NEGR1: variants seen among roughly 807,000 people sequenced by gnomAD.
NEGR1 encodes IgLON family member 4.
A neutral mutation model predicts 40.9 loss-of-function variants in NEGR1; 10 were observed. The ratio of observed to expected loss-of-function variants is 0.24; its 90% CI spans 0.15 to 0.42. The LOEUF (loss-of-function observed/expected upper bound fraction) is 0.42, where lower values mean the gene tolerates loss of function less well. Among genes scored for constraint, NEGR1 ranks in the 10% least tolerant of loss-of-function variants. NEGR1 has a pLI of 1.00. For missense variants in NEGR1, 352 were observed against 438.9 expected (o/e 0.80, Z 1.77); for synonymous variants, 185 against 166.8 (o/e 1.11, Z -0.84).
intron 4 of NEGR1, among the ~76,000 whole-genome samples, chr1:71,631,149 T>C (rs1650956478): frequency 6.6e-6 from 1 of 151,928 alleles, no homozygotes; most frequent in South Asian, 2.1e-4. Context: ...CAGTGTCCAC[T>C]GTTTTGCTTT....
chr1:71,720,794 A>G (rs575044186), intron 3 of NEGR1, among the ~76,000 whole-genome samples: 144 of 152,284 alleles, frequency 9.5e-4, no homozygotes, highest in Non-Finnish European at 1.8e-3. Flanking sequence ...CCAAACTTCA[A>G]GTTTCATCAC....
intron 1 of NEGR1, among the ~76,000 whole-genome samples, chr1:72,142,581 A>C (rs146891045): frequency 2.0e-5 from 3 of 152,006 alleles, no homozygotes; most frequent in African/African-American, 7.2e-5. Context: ...ATAGTGATAG[A>C]ACATAATATC....
chr1:72,105,633 A>G (rs1425369920), intron 1 of NEGR1, among the ~76,000 whole-genome samples: 1 of 152,120 alleles, frequency 6.6e-6, no homozygotes, highest in Non-Finnish European at 1.5e-5. Context: ...GGGATCAGCA[A>G]TGTTTGCTGA....
At chr1:71,970,412 C>A (rs373499453) in intron 1 of NEGR1, among the ~76,000 whole-genome samples, 2 of 151,910 alleles carry the variant, frequency 1.3e-5, no homozygotes, top group African/African-American at 2.4e-5. Flanking sequence ...CAATTAAGGG[C>A]GGGACTAGGG....
intron 4 of NEGR1, among the ~76,000 whole-genome samples, chr1:71,686,549 T>A (rs1653046420): frequency 6.6e-6 from 1 of 152,168 alleles, no homozygotes; most frequent in South Asian, 2.1e-4. Context: ...TTATAGGCCT[T>A]GCCTGGAAGT....
intron 2 of NEGR1, among the ~76,000 whole-genome samples, chr1:71,918,134 G>A (rs1282332828): frequency 7.0e-6 from 1 of 142,672 alleles, no homozygotes; most frequent in African/African-American, 2.6e-5. Flanking sequence ...GGAGAATGGC[G>A]TGAACCCGGG....
intron 1 of NEGR1, among the ~76,000 whole-genome samples, chr1:72,131,303 G>A (rs965158495): frequency 3.3e-5 from 5 of 151,912 alleles, no homozygotes; most frequent in African/African-American, 1.2e-4. Flanking sequence ...TTAGAAATAA[G>A]TCAAGAAAAA....
At chr1:71,497,258 C>T (rs1646970465) in intron 6 of NEGR1, among the ~76,000 whole-genome samples, 1 of 152,080 alleles carries the variant, frequency 6.6e-6, no homozygotes, top group South Asian at 2.1e-4. Flanking sequence ...AAAAGAAATG[C>T]AGTCATTCAG....
At chr1:71,553,885 T>A (rs1401239154) in intron 6 of NEGR1, among the ~76,000 whole-genome samples, 1 of 150,936 alleles carries the variant, frequency 6.6e-6, no homozygotes, top group African/African-American at 2.4e-5. Flanking sequence ...AAGTACAAAA[T>A]CTTTTTCTTA....
chr1:71,805,563 T>C (rs1159928647), intron 2 of NEGR1, among the ~76,000 whole-genome samples: 1 of 152,188 alleles, frequency 6.6e-6, no homozygotes, highest in African/African-American at 2.4e-5. Context: ...CTTTGCACTG[T>C]TTTTGAATAT....
At chr1:72,020,649 TAAC>T (rs1217336360) in intron 1 of NEGR1, among the ~76,000 whole-genome samples, 1 of 151,988 alleles carries the variant, frequency 6.6e-6, no homozygotes, top group Non-Finnish European at 1.5e-5. Flanking sequence ...GATATAGAAA[TAAC>T]AAGGTAAATT....
intron 1 of NEGR1, among the ~76,000 whole-genome samples, chr1:72,253,537 C>T (rs1418838430): frequency 1.3e-5 from 2 of 151,854 alleles, no homozygotes; most frequent in East Asian, 3.9e-4. Flanking sequence ...CATTCAACTG[C>T]AGAAAAAGAG....
At chr1:71,430,858 C>A (rs1185897552) in intron 6 of NEGR1, among the ~76,000 whole-genome samples, 1 of 151,834 alleles carries the variant, frequency 6.6e-6, no homozygotes. Context: ...CTCCCGGGTT[C>A]ACGCCATTCT....
At chr1:71,483,352 C>A (rs1646866890) in intron 6 of NEGR1, among the ~76,000 whole-genome samples, 1 of 151,632 alleles carries the variant, frequency 6.6e-6, no homozygotes, top group African/African-American at 2.4e-5. Context: ...AAAGGAATGA[C>A]ATAATATAAG....
chr1:71,508,802 G>A (rs977935516), intron 6 of NEGR1, among the ~76,000 whole-genome samples: 13 of 152,250 alleles, frequency 8.5e-5, no homozygotes, highest in East Asian at 5.8e-4. Context: ...GGGGCTCCCC[G>A]CCAGATAACT....
chr1:71,991,158 A>T (rs931708508), intron 1 of NEGR1, among the ~76,000 whole-genome samples: 3 of 152,132 alleles, frequency 2.0e-5, no homozygotes, highest in Admixed American at 6.5e-5. Context: ...GCTTACAAGG[A>T]CTATTGCAAT....
At chr1:71,460,107 G>A (rs983746883) in intron 6 of NEGR1, among the ~76,000 whole-genome samples, 1 of 152,156 alleles carries the variant, frequency 6.6e-6, no homozygotes, top group Admixed American at 6.5e-5. Flanking sequence ...TGGTATTATA[G>A]TAGATAACTA....
intron 3 of NEGR1, among the ~76,000 whole-genome samples, chr1:71,720,742 A>C (rs1217308342): frequency 6.6e-6 from 1 of 152,188 alleles, no homozygotes; most frequent in Admixed American, 6.5e-5. Context: ...AAGCAAAATC[A>C]GGTTTTTAAT....
chr1:71,776,464 A>G (rs1656513398), intron 2 of NEGR1, among the ~76,000 whole-genome samples, 167 bp from the exon 3 acceptor site: 2 of 152,174 alleles, frequency 1.3e-5, no homozygotes, highest in South Asian at 4.1e-4. Context: ...AAGACTTTCT[A>G]GGAGTTTTTT....
Sources: gnomAD v4.1 joint callset for allele counts (sites outside exome capture counted in the v4.1 genomes callset) on GRCh38, gnomAD v4.1.1 for gene constraint, MANE v1.5 for transcripts, NCBI Gene and HGNC (gene_info 2026-07-23, HGNC 2026-07-21) for gene names.